Variants in HECW2 observed in about 807,000 individuals in gnomAD.
HECW2 encodes E3 ubiquitin-protein ligase HECW2.
A neutral mutation model predicts 175.2 loss-of-function variants in HECW2; 61 were observed. That is an observed-to-expected ratio of 0.35 (90% CI 0.28 to 0.43). The LOEUF is 0.43. HECW2 is among the 20% of genes least tolerant of loss of function. The pLI, the probability that HECW2 is intolerant of heterozygous loss-of-function variation, is 1.00. For missense variants in HECW2, 1,524 were observed against 2,000.5 expected (o/e 0.76, Z 4.54); for synonymous variants, 671 against 731.0 (o/e 0.92, Z 1.32).
chr2:196,349,595 C>A (rs550086169), intron 2 of HECW2, among the ~76,000 whole-genome samples: 1 of 151,926 alleles, frequency 6.6e-6, no homozygotes, highest in Admixed American at 6.6e-5. Flanking sequence ...CAGATGTGAG[C>A]CACCATGCCT....
chr2:196,457,473 T>C (rs1030658011), intron 1 of HECW2, among the ~76,000 whole-genome samples: 12 of 152,252 alleles, frequency 7.9e-5, no homozygotes, highest in African/African-American at 2.7e-4. Flanking sequence ...AAAGATCTTT[T>C]GAAAAGCTGT....
chr2:196,335,987 T>TA (rs1434797841), intron 3 of HECW2, among the ~76,000 whole-genome samples: 1 of 151,904 alleles, frequency 6.6e-6, no homozygotes, highest in Non-Finnish European at 1.5e-5. Context: ...TCGAACAGCA[T>TA]AGAGAGCGTA....
At chr2:196,304,219 C>T (rs1312123243) in intron 13 of HECW2, among the ~76,000 whole-genome samples, 9 of 152,182 alleles carry the variant, frequency 5.9e-5, no homozygotes, top group Admixed American at 5.9e-4. Context: ...TCTGCACTTC[C>T]TTGGCAAGGC....
intron 6 of HECW2, among the ~76,000 whole-genome samples, chr2:196,324,496 C>T (rs1211535007): frequency 6.6e-6 from 1 of 152,120 alleles, no homozygotes; most frequent in Non-Finnish European, 1.5e-5. Flanking sequence ...ATTCATAAAA[C>T]ATTTGCCAAA....
chr2:196,259,194 A>G (rs927998669), intron 17 of HECW2, among the ~76,000 whole-genome samples: 1 of 152,190 alleles, frequency 6.6e-6, no homozygotes, highest in Non-Finnish European at 1.5e-5. Context: ...TGCTGGTCTC[A>G]AACTCCTGGC....
intron 1 of HECW2, among the ~76,000 whole-genome samples, chr2:196,491,894 C>A (rs1575602563): frequency 6.6e-6 from 1 of 152,062 alleles, no homozygotes; most frequent in Non-Finnish European, 1.5e-5. Context: ...ATAAAGATAA[C>A]AATTACAAAG....
chr2:196,410,452 T>C (rs1318312992), intron 2 of HECW2, among the ~76,000 whole-genome samples: 2 of 152,222 alleles, frequency 1.3e-5, no homozygotes, highest in Non-Finnish European at 2.9e-5. Flanking sequence ...AATGATCATA[T>C]GTATCTAATC....
At chr2:196,469,717 T>C (rs1697118435) in intron 1 of HECW2, among the ~76,000 whole-genome samples, 1 of 151,744 alleles carries the variant, frequency 6.6e-6, no homozygotes, top group Non-Finnish European at 1.5e-5. Flanking sequence ...GGAAATATTA[T>C]AACATGATGA....
intron 1 of HECW2, among the ~76,000 whole-genome samples, chr2:196,565,251 G>T (rs919140162): frequency 6.6e-6 from 1 of 152,024 alleles, no homozygotes; most frequent in Non-Finnish European, 1.5e-5. Flanking sequence ...AAAGCTGCAG[G>T]TTAAATCAGT....
intron 14 of HECW2, chr2:196,291,637 G>A (rs1690606630): frequency 6.6e-6 from 1 of 152,212 alleles, no homozygotes; most frequent in Admixed American, 6.5e-5. Context: ...TACTTGCAGA[G>A]CATAATGTCA....
intron 1 of HECW2, among the ~76,000 whole-genome samples, chr2:196,488,488 T>C (rs1428209934): frequency 6.6e-6 from 1 of 152,162 alleles, no homozygotes. Flanking sequence ...GGGAAAATCA[T>C]TAAAGTAATG....
At chr2:196,392,196 G>T (rs1228044866) in intron 2 of HECW2, among the ~76,000 whole-genome samples, 1 of 152,036 alleles carries the variant, frequency 6.6e-6, no homozygotes, top group Admixed American at 6.6e-5. Context: ...ATTAAGATTG[G>T]TAATGAATAG....
intron 19 of HECW2, among the ~76,000 whole-genome samples, chr2:196,252,502 A>G (rs1459976588): frequency 6.6e-6 from 1 of 151,972 alleles, no homozygotes; most frequent in Non-Finnish European, 1.5e-5. Context: ...GTGATGAGTG[A>G]CCTCACAGGA....
chr2:196,404,991 A>T (rs1203909295), intron 2 of HECW2, among the ~76,000 whole-genome samples: 3 of 141,624 alleles, frequency 2.1e-5, no homozygotes, highest in African/African-American at 2.6e-5. Flanking sequence ...CTCCCGGCAA[A>T]TTTTTTTTTT....
At chr2:196,367,316 G>A (rs1176656310) in intron 2 of HECW2, among the ~76,000 whole-genome samples, 1 of 152,158 alleles carries the variant, frequency 6.6e-6, no homozygotes, top group South Asian at 2.1e-4. Flanking sequence ...GTAGGTATAG[G>A]ATGGGTCTTA....
chr2:196,270,609 C>G lies in HECW2; in HGVS notation c.3335+584G>C, dbSNP rs1055734327. ...GTTATGTCATTAATTTCATTATAAT[C>G]TGCACTTCTAGGATAAACGCTTGGC... On this transcript the variant is annotated intron_variant, in intron 17 of 28. Transcript: ENST00000644978. Among the ~76,000 whole-genome samples, 7 of 152,240 alleles carry G rather than the reference C, an allele frequency of 4.6e-5. No individual in the cohort carries two copies. In the East Asian group the frequency reaches 1.3e-3, roughly 29 times the overall value.
At position 196,268,319 on chromosome 2, in the gene HECW2, T is replaced by C. The variant is rs574782159; in HGVS notation, c.3335+2874A>G. ...TCTGTAAAGATGGAAATATATTTCATAGCCTATCAAATAATTGCATAAAAA... is the reference window on the plus strand; with the variant it reads ...TCTGTAAAGATGGAAATATATTTCACAGCCTATCAAATAATTGCATAAAAA... On this transcript the variant is annotated intron_variant, in intron 17 of 28. Transcript: ENST00000644978. Among the ~76,000 whole-genome samples, 64 of 152,346 alleles carry C rather than the reference T, an allele frequency of 4.2e-4. 1 individual carries two copies. In the Middle Eastern group the frequency reaches 0.02, roughly 49 times the overall value.
chr2:196,448,973 T>C (rs1426688891), intron 1 of HECW2, among the ~76,000 whole-genome samples: 1 of 152,130 alleles, frequency 6.6e-6, no homozygotes, highest in Non-Finnish European at 1.5e-5. Flanking sequence ...TCAAAGTAAA[T>C]CAAGCATGTG....
At chr2:196,347,392 A>C (rs1435859509) in intron 2 of HECW2, among the ~76,000 whole-genome samples, 1 of 151,980 alleles carries the variant, frequency 6.6e-6, no homozygotes, top group Non-Finnish European at 1.5e-5. Flanking sequence ...CAAAATACAA[A>C]ATAGAGATGA....
Sources: allele counts gnomAD v4.1 joint callset (sites outside exome capture counted in the v4.1 genomes callset), GRCh38; gene constraint gnomAD v4.1.1; transcripts MANE v1.5; gene names NCBI Gene and HGNC (gene_info 2026-07-23, HGNC 2026-07-21).